Variants in DCUN1D4 observed in about 807,000 individuals in gnomAD.
The protein encoded by DCUN1D4 is DCN1-like protein 4.
A neutral mutation model predicts 47.9 loss-of-function variants in DCUN1D4; 22 were observed. The observed-to-expected ratio is 0.46, with a 90% CI of 0.33 to 0.66. DCUN1D4 has a LOEUF of 0.66. Among genes scored for constraint, DCUN1D4 ranks in the 30% least tolerant of loss-of-function variants. The pLI, the probability that DCUN1D4 is intolerant of heterozygous loss-of-function variation, is 0.02. For missense variants in DCUN1D4, 301 were observed against 340.8 expected, an observed-to-expected ratio of 0.88 and a Z score of 0.92; for synonymous variants, 121 against 112.2, an observed-to-expected ratio of 1.08 and a Z score of -0.50.
intron 4 of DCUN1D4, among the ~76,000 whole-genome samples, chr4:51,875,731 G>A (rs369797102): frequency 4.6e-5 from 7 of 152,088 alleles, no homozygotes; most frequent in African/African-American, 1.7e-4. Context: ...TTTGTGTCTC[G>A]CTTCTTTCAC....
intron 2 of DCUN1D4, 47 bp downstream of exon 2, chr4:51,863,554 C>T: frequency 6.3e-7 from 1 of 1,577,118 alleles, no homozygotes; most frequent in Non-Finnish European, 8.7e-7. Context: ...TTGAAGTAGT[C>T]ATTTTGTATA....
chr4:51,852,800 C>T (rs932220263), intron 1 of DCUN1D4, among the ~76,000 whole-genome samples: 17 of 152,164 alleles, frequency 1.1e-4, no homozygotes, highest in African/African-American at 3.6e-4. Flanking sequence ...GATGAGGACA[C>T]GGGCACAGTG....
chr4:51,891,904 T>C, intron 7 of DCUN1D4, 53 bp downstream of exon 7: 1 of 1,392,610 alleles, frequency 7.2e-7, no homozygotes, highest in Non-Finnish European at 1.0e-6. Context: ...GGTGGTTGCC[T>C]CCTTCCTCCC....
intron 1 of DCUN1D4, among the ~76,000 whole-genome samples, chr4:51,847,031 C>T (rs181162453): frequency 6.6e-6 from 1 of 152,158 alleles, no homozygotes; most frequent in Non-Finnish European, 1.5e-5. Flanking sequence ...TTGAACTGAT[C>T]TCATGCCACT....
intron 8 of DCUN1D4, chr4:51,908,915 G>A (rs1227572200): frequency 4.4e-6 from 2 of 456,090 alleles, no homozygotes; most frequent in Non-Finnish European, 8.8e-6. Flanking sequence ...TCTCTTATTT[G>A]CTAGGCCGAA....
chr4:51,839,169 G>A (rs1264901720), upstream of DCUN1D4, among the ~76,000 whole-genome samples: 2 of 146,500 alleles, frequency 1.4e-5, no homozygotes, highest in African/African-American at 5.2e-5. Context: ...GAAGGAGAAG[G>A]AAGGAAGGAA....
Position 51,843,286 on chromosome 4 carries a change from G to A in DCUN1D4, c.25+19G>A. 2 of 1,526,444 alleles carry A rather than the reference G, an allele frequency of 1.3e-6. No individual in the cohort carries two copies. The highest frequency in any genetic ancestry group is 1.8e-6 in the Non-Finnish European group (2 of 1,137,334). 94.6% of individuals were successfully genotyped at this position (1,526,444 alleles called of 1,614,324 possible). ...GCTGTCAGTGAGTAGCAGAGAGCCA[G>A]CCAGCGGGCCGGGGCCGGGCGGCTG... On this transcript the variant is annotated intron_variant, in intron 1 of 10. Coordinates refer to ENST00000334635, the MANE Select transcript of DCUN1D4 (RefSeq NM_001040402.3).
chr4:51,843,373 G>A (rs1308694205), intron 1 of DCUN1D4, 106 bp downstream of exon 1: 3 of 1,387,024 alleles, frequency 2.2e-6, no homozygotes, highest in Non-Finnish European at 2.8e-6. Context: ...AAACGCGCCG[G>A]GAGCCCCTGC....
intron 1 of DCUN1D4, among the ~76,000 whole-genome samples, chr4:51,851,917 C>T (rs995764484): frequency 1.3e-5 from 2 of 152,218 alleles, no homozygotes; most frequent in African/African-American, 2.4e-5. Context: ...ATTCTGACTC[C>T]ATGGTCTTGG....
intron 1 of DCUN1D4, chr4:51,844,997 C>T: frequency 1.0e-6 from 1 of 985,454 alleles, no homozygotes; most frequent in Non-Finnish European, 1.2e-6. Flanking sequence ...GGAGAGCCCA[C>T]GCCAGGCGCA....
intron 8 of DCUN1D4, among the ~76,000 whole-genome samples, chr4:51,910,014 T>C (rs142012820): frequency 1.0e-3 from 153 of 152,334 alleles, no homozygotes; most frequent in African/African-American, 3.3e-3. Flanking sequence ...AGGAGGTATA[T>C]ATGGCTGCAT....
chr4:51,844,044 A>G (rs1325931964), intron 1 of DCUN1D4, among the ~76,000 whole-genome samples: 5 of 128,796 alleles, frequency 3.9e-5, no homozygotes, highest in South Asian at 2.7e-4. Context: ...GTGGAAGGGT[A>G]GGGCGATTGG....
chr4:51,909,681 A>G (rs1733414338), intron 8 of DCUN1D4, among the ~76,000 whole-genome samples: 1 of 152,220 alleles, frequency 6.6e-6, no homozygotes, highest in South Asian at 2.1e-4. Flanking sequence ...ACCTGTTTGC[A>G]TAGAACTGTG....
At chr4:51,911,325 C>T in intron 9 of DCUN1D4, 151 bp downstream of exon 9, 1 of 705,172 alleles carries the variant, frequency 1.4e-6, no homozygotes, top group Non-Finnish European at 2.4e-6. Flanking sequence ...CAGCAGCTAC[C>T]TATCTTCTTG....
chr4:51,913,582 T>TAGG lies in DCUN1D4; in HGVS notation c.879_*2dup. On this transcript the variant is annotated inframe_insertion and stop_retained_variant, in exon 11 of 11. Transcript: ENST00000334635. The stretch of plus-strand genomic sequence containing the variant: ...GTGGTATAAAGACAAACAGATGTCC[T>TAGG]AGGACTTTATGCATAGCAGCGAGAG... 1 of 1,611,776 alleles carries TAGG rather than the reference T, an allele frequency of 6.2e-7. No individual in the cohort carries two copies. Among genetic ancestry groups the TAGG allele is most frequent in the Non-Finnish European group, 8.5e-7 (1 of 1,178,552 alleles).
chr4:51,889,234 G>A (rs897318249), intron 6 of DCUN1D4, among the ~76,000 whole-genome samples: 34 of 152,182 alleles, frequency 2.2e-4, no homozygotes, highest in African/African-American at 8.2e-4. Flanking sequence ...AATAAACTCT[G>A]ATGTGCTATA....
At chr4:51,845,014 T>C in intron 1 of DCUN1D4, 4 of 985,498 alleles carry the variant, frequency 4.1e-6, no homozygotes, top group Non-Finnish European at 4.8e-6. Context: ...CGCAGCCCTC[T>C]TCACGCTTAG....
chr4:51,890,601 G>T (rs1308619958), intron 6 of DCUN1D4, among the ~76,000 whole-genome samples: 1 of 152,174 alleles, frequency 6.6e-6, no homozygotes, highest in East Asian at 1.9e-4. Context: ...TGGCAGAATG[G>T]TCCTAAGAAG....
chr4:51,838,089 T>C (rs987412933), upstream of DCUN1D4, among the ~76,000 whole-genome samples: 2 of 152,052 alleles, frequency 1.3e-5, no homozygotes, highest in African/African-American at 4.8e-5. Context: ...CAAGAATCAC[T>C]TGAACTCAGG....
Sources: gnomAD v4.1 joint callset for allele counts (sites outside exome capture counted in the v4.1 genomes callset) on GRCh38, gnomAD v4.1.1 for gene constraint, MANE v1.5 for transcripts, NCBI Gene and HGNC (gene_info 2026-07-23, HGNC 2026-07-21) for gene names.